ZDHHC3: variants seen among roughly 807,000 people sequenced by gnomAD.
The protein encoded by ZDHHC3 is palmitoyltransferase ZDHHC3.
A neutral mutation model predicts 30.6 loss-of-function variants in ZDHHC3; 9 were observed. That is an observed-to-expected ratio of 0.29 (90% CI 0.18 to 0.51). The LOEUF is 0.51. Ranked by LOEUF, ZDHHC3 falls within the 20% of genes least tolerant of loss-of-function variation. The probability of loss-of-function intolerance (pLI) is 0.97; values close to 1 mark genes in which losing one functional copy is unlikely to be tolerated. For missense variants in ZDHHC3, 246 were observed against 384.2 expected, an observed-to-expected ratio of 0.64 and a Z score of 3.01; for synonymous variants, 136 against 140.2, an observed-to-expected ratio of 0.97 and a Z score of 0.21.
At position 44,918,234 on chromosome 3, in the gene ZDHHC3, G is replaced by A. The variant is rs1362514780; in HGVS notation, c.*8455C>T. On this transcript the variant is annotated 3_prime_UTR_variant, in exon 7 of 7. Coordinates refer to ENST00000424952, the MANE Select transcript of ZDHHC3 (RefSeq NM_001135179.2). ...CCCCCAGCTATAGCATAGCAGTGGC[G>A]GGGGGGGGGGCGGGGTGTCCACGGC... 7.0e-3 allele frequency: 15 copies of A among 2,150 alleles called. No individual in the cohort carries two copies. The highest frequency in any genetic ancestry group is 0.013 in the African/African-American group (14 of 1,102). 0.1% of individuals were successfully genotyped at this position (2,150 alleles called of 1,614,324 possible).
chr3:44,970,521 C>A (rs1449927665), intron 1 of ZDHHC3, among the ~76,000 whole-genome samples: 1 of 152,202 alleles, frequency 6.6e-6, no homozygotes, highest in Admixed American at 6.5e-5. Flanking sequence ...TGCTAGGGCC[C>A]CTTGCAGGGC....
Position 44,923,032 on chromosome 3 carries a change from A to G in ZDHHC3, c.*3657T>C, listed in dbSNP as rs529551986. 4.1e-6 allele frequency: 4 copies of G among 983,014 alleles called. No individual in the cohort carries two copies. In the African/African-American group the frequency reaches 7.0e-5, roughly 17 times the overall value. The allele number at this position is 983,014 out of a possible 1,614,324, so 60.9% of individuals were successfully genotyped here. On this transcript the variant is annotated 3_prime_UTR_variant, in exon 7 of 7. Transcript: ENST00000424952. ...AGAAAGCCCATCCCAGCCCACCCGG[A>G]GAGGAGTTTCTGTGTAATGCCAACC...
intron 6 of ZDHHC3, 131 bp from the exon 7 acceptor site, chr3:44,926,978 T>G (rs1268495586): frequency 1.6e-6 from 2 of 1,234,316 alleles, no homozygotes; most frequent in Non-Finnish European, 2.1e-6. Context: ...CTACCTAATA[T>G]ATCTTTCTCA....
chr3:44,959,484 A>G lies in ZDHHC3; in HGVS notation c.-24-24T>C. On this transcript the variant is annotated intron_variant, in intron 1 of 6. Coordinates refer to ENST00000424952, the MANE Select transcript of ZDHHC3 (RefSeq NM_001135179.2). The surrounding 1 kb of genome is among the most constrained non-coding windows in gnomAD (Gnocchi z 4.3). ...ATCTGAAAGAGAGAGGAAAGAATCC[A>G]GAAACTTGGTGTTGTCTTGTCATCA... 1 of 1,577,162 alleles carries G rather than the reference A, an allele frequency of 6.3e-7. No homozygotes were observed.
In ZDHHC3 at chr3:44,933,413, G is replaced by C. The variant is rs1701672996; in HGVS notation, c.529-214C>G. 4 of 601,924 alleles carry C rather than the reference G, an allele frequency of 6.6e-6. No homozygotes were observed. The East Asian group carries it at 8.3e-5, about 12-fold the overall frequency. The allele number at this position is 601,924 out of a possible 1,614,324, so 37.3% of individuals were successfully genotyped here. On this transcript the variant is annotated intron_variant, in intron 4 of 6. Transcript: ENST00000424952. ...GAGCAGCCACCTCCGGGAGTACGTG[G>C]AACCAGAACAGAAGCAAGCCCGTCA...
At chr3:44,942,246 T>G (rs1302343617) in intron 3 of ZDHHC3, among the ~76,000 whole-genome samples, 1 of 152,228 alleles carries the variant, frequency 6.6e-6, no homozygotes, top group Admixed American at 6.5e-5. Context: ...GCTCAACGAC[T>G]ATAAACAAAC....
chr3:44,928,098 C>T (rs1047414416), intron 6 of ZDHHC3, among the ~76,000 whole-genome samples: 5 of 152,244 alleles, frequency 3.3e-5, no homozygotes, highest in African/African-American at 9.6e-5. Flanking sequence ...GAATCCCCAT[C>T]GGGTTCCCCG....
In ZDHHC3 at chr3:44,919,158, T is replaced by C. The variant is rs1700421781; in HGVS notation, c.*7531A>G. 1 of 947,278 alleles carries C rather than the reference T, an allele frequency of 1.1e-6. No individual in the cohort carries two copies. The highest frequency in any genetic ancestry group is 1.3e-6 in the Non-Finnish European group (1 of 795,804). 58.7% of individuals were successfully genotyped at this position (947,278 alleles called of 1,614,324 possible). A position where few individuals can be genotyped will look rare whatever the true frequency, so the allele number is the denominator to read the frequency against. ...TATATCCTCATAAGATACTTATCAA[T>C]TACAAAGGGAAAAACAGTACCTTAA... On this transcript the variant is annotated 3_prime_UTR_variant, in exon 7 of 7. Coordinates refer to ENST00000424952, the MANE Select transcript of ZDHHC3 (RefSeq NM_001135179.2).
chr3:44,969,374 A>G (rs1337399086), intron 1 of ZDHHC3, among the ~76,000 whole-genome samples: 2 of 151,886 alleles, frequency 1.3e-5, no homozygotes, highest in African/African-American at 4.8e-5. Context: ...CATCTACTCT[A>G]TTTTGCACAT....
intron 3 of ZDHHC3, among the ~76,000 whole-genome samples, chr3:44,934,947 G>A (rs1204994460): frequency 6.7e-6 from 1 of 149,148 alleles, no homozygotes; most frequent in Non-Finnish European, 1.5e-5. Flanking sequence ...GACCAGATCA[G>A]TTCATTAATT....
chr3:44,948,809 C>A (rs1397188658), intron 2 of ZDHHC3, among the ~76,000 whole-genome samples: 1 of 152,244 alleles, frequency 6.6e-6, no homozygotes, highest in Non-Finnish European at 1.5e-5. Context: ...CCCAGCCCTT[C>A]CCCTGCTAAG....
At chr3:44,946,264 C>T (rs1702923757) in intron 2 of ZDHHC3, among the ~76,000 whole-genome samples, 1 of 152,216 alleles carries the variant, frequency 6.6e-6, no homozygotes, top group Non-Finnish European at 1.5e-5. Flanking sequence ...TGCTCTTCCA[C>T]CTGTGGAGTA....
chr3:44,922,742 C>G lies in ZDHHC3; in HGVS notation c.*3947G>C. On this transcript the variant is annotated 3_prime_UTR_variant, in exon 7 of 7. Transcript: ENST00000424952. ...CGGGCTGCTGGGCCCCGCTCGGTTT[C>G]TGGTTCGGTAGCCTGGGGTGGGGAC... 3.0e-6 allele frequency: 3 copies of G among 984,958 alleles called. No homozygotes were observed. Among genetic ancestry groups the G allele is most frequent in the Non-Finnish European group, 3.6e-6 (3 of 829,512 alleles). The allele number at this position is 984,958 out of a possible 1,614,324, so 61.0% of individuals were successfully genotyped here. A position where few individuals can be genotyped will look rare whatever the true frequency, so the allele number is the denominator to read the frequency against.
chr3:44,929,304 A>G lies in ZDHHC3; in HGVS notation c.741+2T>C. ...AAATGGTGGGCAGAGCCACCTGCTT[A>G]CCGTCTCATCTGTGCAGATGGAGTG... On this transcript the variant is annotated splice_donor_variant, in intron 6 of 6. Coordinates refer to ENST00000424952, the MANE Select transcript of ZDHHC3 (RefSeq NM_001135179.2). LOFTEE classifies it high-confidence loss of function. 1 of 1,613,734 alleles carries G rather than the reference A, an allele frequency of 6.2e-7. No individual in the cohort carries two copies. The highest frequency in any genetic ancestry group is 8.5e-7 in the Non-Finnish European group (1 of 1,179,792).
intron 6 of ZDHHC3, among the ~76,000 whole-genome samples, chr3:44,927,757 C>T (rs1224177348): frequency 6.6e-6 from 1 of 152,248 alleles, no homozygotes; most frequent in African/African-American, 2.4e-5. Flanking sequence ...AGAACGGGGC[C>T]CCTGCCCAGA....
chr3:44,947,515 T>C (rs1331099056), intron 2 of ZDHHC3, among the ~76,000 whole-genome samples: 1 of 152,188 alleles, frequency 6.6e-6, no homozygotes, highest in Non-Finnish European at 1.5e-5. Context: ...CTGAGAAGGT[T>C]AAACTAGACA....
rs780918481 is a variant in ZDHHC3 at position 44,959,354 on chromosome 3, G to C, written c.83C>G (p.Pro28Arg). 13 of 1,614,126 alleles carry C rather than the reference G, an allele frequency of 8.1e-6. No homozygotes were observed. Among genetic ancestry groups the C allele is most frequent in the Admixed American group, 5.0e-5 (3 of 60,014 alleles). ...YLQPEKCVPPPYPGPVGTMWF... is the reference protein window; with the variant it reads ...YLQPEKCVPPRYPGPVGTMWF... The stretch of plus-strand genomic sequence containing the variant: ...CATGGTTCCCACAGGACCAGGGTAG[G>C]GGGGTGGGACACACTTCTCTGGCTG... Residue 28 changes from proline to arginine, a missense_variant, in exon 2 of 7, where the codon CCC (proline) becomes CGC (arginine). Transcript: ENST00000424952. This position sits in a 1 kb window ranked among gnomAD's most constrained non-coding sequence, Gnocchi z 4.3.
chr3:44,975,846 G>A (rs1705928316), intron 1 of ZDHHC3, 87 bp downstream of exon 1: 1 of 165,704 alleles, frequency 6.0e-6, no homozygotes, highest in Non-Finnish European at 1.3e-5. Context: ...TACGCCGCAC[G>A]CCTCTCCCAC....
rs1232671640 is a variant in ZDHHC3 at position 44,921,397 on chromosome 3, G to A, written c.*5292C>T. The A allele has an allele frequency of 1.0e-6, 1 of 985,228 alleles. No individual in the cohort carries two copies. The highest frequency in any genetic ancestry group is 1.7e-5 in the African/African-American group (1 of 57,194). The allele number at this position is 985,228 out of a possible 1,614,324, so 61.0% of individuals were successfully genotyped here. On this transcript the variant is annotated 3_prime_UTR_variant, in exon 7 of 7. Transcript: ENST00000424952. ...GATAACACTGTCTCTCCTCATCAGAGATTTCATACCTCTATATTGTAACCC... is the reference window on the plus strand; with the variant it reads ...GATAACACTGTCTCTCCTCATCAGAAATTTCATACCTCTATATTGTAACCC...
Sources: allele counts gnomAD v4.1 joint callset (sites outside exome capture counted in the v4.1 genomes callset), GRCh38; gene constraint gnomAD v4.1.1; non-coding constraint Gnocchi (gnomAD v3.1); transcripts MANE v1.5; gene names NCBI Gene and HGNC (gene_info 2026-07-23, HGNC 2026-07-21).